The following ATG16L1 variants were observed in gnomAD, a reference collection of about 807,000 sequenced individuals.
The protein encoded by ATG16L1 is autophagy related 16 like 1.
Under a neutral mutation model 88.5 loss-of-function variants are expected in ATG16L1, and 37 were observed. The ratio of observed to expected loss-of-function variants is 0.42; its 90% CI spans 0.32 to 0.55. The LOEUF (loss-of-function observed/expected upper bound fraction) is 0.55, where lower values mean the gene tolerates loss of function less well. Ranked by LOEUF, ATG16L1 falls within the 20% of genes least tolerant of loss-of-function variation. The pLI is 0.13. For synonymous variants in ATG16L1, 301 were observed against 281.0 expected (o/e 1.07, Z -0.71); for missense variants, 554 against 752.8 (o/e 0.74, Z 3.09).
At chr2:233,273,827 A>G (rs201424939) in intron 8 of ATG16L1, 50 bp downstream of exon 8, 20 of 1,580,924 alleles carry the variant, frequency 1.3e-5, no homozygotes, top group Non-Finnish European at 1.7e-5. Context: ...ATACCTAAGT[A>G]TATGTACATG....
intron 7 of ATG16L1, 133 bp from the exon 8 acceptor site, chr2:233,273,588 G>C: frequency 1.2e-6 from 1 of 803,190 alleles, no homozygotes; most frequent in Non-Finnish European, 2.1e-6. Flanking sequence ...ACTGTGTTGG[G>C]TTTCTCTTGG....
In ATG16L1 at chr2:233,273,737, C is replaced by G; in HGVS notation, c.811C>G (p.Pro271Ala). The stretch of plus-strand genomic sequence containing the variant: ...CCTCTTTAGTAAGCGACTCTCGCAG[C>G]CTGCTGGAGGCCTTCTGGATTCTAT... ...SRAATKRLSQ[P>A]AGGLLDSITN... The change falls in exon 8 of 18, where the codon CCT becomes GCT. Residue 271 changes from proline (P) to alanine (A), a missense_variant. Physicochemically the swap from Pro to Ala is conservative, Grantham distance 27. This residue lies in a region of ATG16L1 where 370 missense variants were observed against 509.7 expected (regional missense o/e 0.73). Coordinates refer to ENST00000392017, the MANE Select transcript of ATG16L1 (RefSeq NM_030803.7). The G allele has an allele frequency of 1.2e-6, 2 of 1,614,162 alleles. No homozygotes were observed. The highest frequency in any genetic ancestry group is 1.7e-6 in the Non-Finnish European group (2 of 1,180,014).
intron 5 of ATG16L1, among the ~76,000 whole-genome samples, chr2:233,266,562 A>G (rs563365853): frequency 7.2e-5 from 11 of 152,354 alleles, no homozygotes; most frequent in African/African-American, 2.6e-4. Flanking sequence ...TTAAAAGTGA[A>G]TAAATGACAA....
intron 7 of ATG16L1, chr2:233,273,305 A>T: frequency 1.9e-6 from 1 of 524,590 alleles, no homozygotes; most frequent in Admixed American, 3.5e-5. Flanking sequence ...TCAAATATGG[A>T]CAGTGAAACC....
intron 17 of ATG16L1, 90 bp from the exon 18 acceptor site, chr2:233,294,167 C>A: frequency 1.9e-6 from 2 of 1,062,588 alleles, no homozygotes; most frequent in Non-Finnish European, 2.7e-6. Context: ...ATTAGGACTC[C>A]CTGAATGCAC....
Position 233,294,645 on chromosome 2 carries a change from G to T in ATG16L1, c.*295G>T. 1 of 242,370 alleles carries T rather than the reference G, an allele frequency of 4.1e-6. No individual in the cohort carries two copies. The highest frequency in any genetic ancestry group is 5.5e-5 in the Admixed American group (1 of 18,028). The allele number at this position is 242,370 out of a possible 1,614,324, so 15.0% of individuals were successfully genotyped here. A position where few individuals can be genotyped will look rare whatever the true frequency, so the allele number is the denominator to read the frequency against. ...CTGACCTTCCATACCTCACTTGGGG[G>T]AGCACAGGGCCCCGCTGGGCCTCCT... On this transcript the variant is annotated 3_prime_UTR_variant, in exon 18 of 18. Transcript: ENST00000392017.
intron 4 of ATG16L1, among the ~76,000 whole-genome samples, chr2:233,264,472 G>A (rs1249791531): frequency 1.3e-5 from 2 of 152,180 alleles, no homozygotes; most frequent in African/African-American, 4.8e-5. Flanking sequence ...TGGCAGACAA[G>A]ATAAATGGGG....
At chr2:233,275,574 C>T in intron 9 of ATG16L1, 1 of 392,604 alleles carries the variant, frequency 2.5e-6, no homozygotes, top group South Asian at 1.9e-5. Flanking sequence ...AGGGACTTAG[C>T]TAGTTACACA....
chr2:233,286,621 C>CTTTTTTTTTTTTTTTTTTT (rs10676895), intron 12 of ATG16L1, among the ~76,000 whole-genome samples: 1 of 93,290 alleles, frequency 1.1e-5, no homozygotes, highest in African/African-American at 4.7e-5. Context: ...GAAGCCCAAA[C>CTTTTTTTTTTTTTTTTTTT]TTTTTTTTTT....
rs1469048093 is a variant in ATG16L1 at position 233,287,408 on chromosome 2, T to C, written c.1204-2446T>C. On this transcript the variant is annotated intron_variant, in intron 12 of 17. Transcript: ENST00000392017. ...GGGTATTTTCATCTTACAATGTGTT[T>C]GTCAAGACTGGCCCCATCATAAGTT... Among the ~76,000 whole-genome samples the C allele has an allele frequency of 2.0e-5, 3 of 152,206 alleles. No homozygotes were observed. The East Asian group carries it at 5.8e-4, about 29-fold the overall frequency.
chr2:233,257,318 C>A (rs899666859), intron 2 of ATG16L1, among the ~76,000 whole-genome samples: 2 of 152,004 alleles, frequency 1.3e-5, no homozygotes, highest in Non-Finnish European at 2.9e-5. Context: ...CTTGAGCCAC[C>A]GCGCCCAGCC....
intron 7 of ATG16L1, 95 bp downstream of exon 7, chr2:233,273,147 C>T (rs1321528145): frequency 2.0e-6 from 2 of 990,646 alleles, no homozygotes; most frequent in Non-Finnish European, 3.2e-6. Flanking sequence ...CAGATGCACC[C>T]AACCCCTTAC....
intron 12 of ATG16L1, among the ~76,000 whole-genome samples, chr2:233,286,627 T>A (rs929542454): frequency 7.3e-6 from 1 of 137,794 alleles, no homozygotes; most frequent in Non-Finnish European, 1.6e-5. Context: ...CAAACTTTTT[T>A]TTTTTTTTTT....
chr2:233,260,227 A>G (rs1697111700), intron 2 of ATG16L1, among the ~76,000 whole-genome samples: 2 of 152,230 alleles, frequency 1.3e-5, no homozygotes, highest in South Asian at 4.1e-4. Flanking sequence ...CTTTGCCTAC[A>G]GTTTAAAATC....
intron 2 of ATG16L1, 42 bp downstream of exon 2, chr2:233,256,237 G>A: frequency 6.6e-7 from 1 of 1,506,054 alleles, no homozygotes; most frequent in East Asian, 2.3e-5. Context: ...CTCCTCTAAG[G>A]AAATTTATCT....
At chr2:233,260,859 A>G (rs1330276509) in intron 2 of ATG16L1, among the ~76,000 whole-genome samples, 1 of 152,210 alleles carries the variant, frequency 6.6e-6, no homozygotes, top group Non-Finnish European at 1.5e-5. Context: ...TCCCAAAATG[A>G]AACCATCCTT....
chr2:233,292,045 G>A (rs1699498241), intron 14 of ATG16L1, 83 bp from the exon 15 acceptor site: 1 of 1,516,892 alleles, frequency 6.6e-7, no homozygotes, highest in Non-Finnish European at 8.9e-7. Context: ...TAGTTGAATT[G>A]CAGTGCCTTT....
In ATG16L1 at chr2:233,289,865, G is replaced by C; in HGVS notation, c.1215G>C (p.Thr405=). The C allele has an allele frequency of 6.2e-7, 1 of 1,614,152 alleles. No homozygotes were observed. The highest frequency in any genetic ancestry group is 8.5e-7 in the Non-Finnish European group (1 of 1,180,004). ...GTTCTCTCTCCTAGCACACACTCAC[G>C]GGACACAGTGGGAAAGTGCTGTCTG... ...VDDYRLRHTL[T]GHSGKVLSAK... is the part of the protein sequence containing the mutation. The change falls in exon 13 of 18, where the codon ACG becomes ACC. Residue 405 remains threonine, a synonymous_variant. Transcript: ENST00000392017.
chr2:233,261,621 C>T (rs1445754119), intron 2 of ATG16L1, among the ~76,000 whole-genome samples: 2 of 152,008 alleles, frequency 1.3e-5, no homozygotes, highest in East Asian at 1.9e-4. Flanking sequence ...TTATTTTATT[C>T]TGGGTCATAT....
Sources: gnomAD v4.1 joint callset for allele counts (sites outside exome capture counted in the v4.1 genomes callset) on GRCh38, gnomAD v4.1.1 for gene constraint, gnomAD v4.1.1 regional missense constraint, MANE v1.5 for transcripts, NCBI Gene and HGNC (gene_info 2026-07-23, HGNC 2026-07-21) for gene names.